Variants in SCAPER observed in about 807,000 individuals in gnomAD.
SCAPER encodes S phase cyclin A-associated protein in the endoplasmic reticulum.
Under a neutral mutation model 182.2 loss-of-function variants are expected in SCAPER, and 98 were observed. The ratio of observed to expected loss-of-function variants is 0.54; its 90% confidence interval spans 0.46 to 0.64. SCAPER has a LOEUF of 0.64. SCAPER is among the 30% of genes least tolerant of loss of function. The pLI is 0.00. For missense variants in SCAPER, 1,432 were observed against 1,690.0 expected, an observed-to-expected ratio of 0.85 and a Z score of 2.68; for synonymous variants, 605 against 564.6, an observed-to-expected ratio of 1.07 and a Z score of -1.01.
At chr15:76,513,840 T>C (rs1343133463) in intron 23 of SCAPER, among the ~76,000 whole-genome samples, 1 of 152,246 alleles carries the variant, frequency 6.6e-6, no homozygotes, top group Admixed American at 6.5e-5. Flanking sequence ...AGTGTTCAAA[T>C]GCTCTCCCAA....
intron 26 of SCAPER, among the ~76,000 whole-genome samples, chr15:76,406,382 G>A (rs2044831389): frequency 6.6e-6 from 1 of 152,128 alleles, no homozygotes; most frequent in African/African-American, 2.4e-5. Context: ...GGAGGCTGAG[G>A]CAGGAGAATC....
At chr15:76,862,610 A>T in intron 2 of SCAPER, 77 bp from the exon 3 acceptor site, 2 of 951,796 alleles carry the variant, frequency 2.1e-6, no homozygotes, top group Non-Finnish European at 3.0e-6. Flanking sequence ...ATTATTTCTC[A>T]CATTTTTCTC....
chr15:76,695,101 C>T (rs188180773), intron 20 of SCAPER, among the ~76,000 whole-genome samples: 3 of 152,136 alleles, frequency 2.0e-5, no homozygotes, highest in African/African-American at 2.4e-5. Context: ...CAGGGTAAAA[C>T]AAAGTCTTAA....
Position 76,348,653 on chromosome 15 carries a change from A to G in SCAPER, c.4183T>C (p.Leu1395=), listed in dbSNP as rs2040328202. Residue 1395 remains leucine, a synonymous_variant, in exon 32 of 32, where the codon TTG becomes CTG. Coordinates refer to ENST00000563290, the MANE Select transcript of SCAPER (RefSeq NM_020843.4). ...AACATTTATTTTTTCTCTTTTTTCAAGAAAAACTGTCGAGCTTCTTCCCAG... is the reference window on the plus strand; with the variant it reads ...AACATTTATTTTTTCTCTTTTTTCAGGAAAAACTGTCGAGCTTCTTCCCAG... ...QAWEEARQFF[L]KKEKK The G allele has an allele frequency of 6.5e-7, 1 of 1,549,106 alleles. No homozygotes were observed. Among genetic ancestry groups the G allele is most frequent in the African/African-American group, 1.4e-5 (1 of 72,912 alleles).
intron 25 of SCAPER, among the ~76,000 whole-genome samples, chr15:76,460,021 C>T (rs746724083): frequency 1.3e-5 from 2 of 152,032 alleles, no homozygotes; most frequent in East Asian, 3.9e-4. Flanking sequence ...TCTCTTCCAT[C>T]GATCTGTATG....
intron 5 of SCAPER, among the ~76,000 whole-genome samples, chr15:76,806,669 G>A (rs2066183666): frequency 6.6e-6 from 1 of 152,140 alleles, no homozygotes; most frequent in African/African-American, 2.4e-5. Context: ...GAAGTCTTCT[G>A]TTCATGAATT....
chr15:76,860,526 C>T (rs1408868351), intron 3 of SCAPER, among the ~76,000 whole-genome samples: 1 of 152,046 alleles, frequency 6.6e-6, no homozygotes, highest in Admixed American at 6.6e-5. Flanking sequence ...AATAGTATGA[C>T]ACACATGAAT....
intron 14 of SCAPER, among the ~76,000 whole-genome samples, chr15:76,756,481 G>A (rs1270653819): frequency 6.6e-6 from 1 of 152,086 alleles, no homozygotes; most frequent in Admixed American, 6.6e-5. Flanking sequence ...AGCAGGTTGA[G>A]GCAGGAGGAT....
intron 20 of SCAPER, among the ~76,000 whole-genome samples, chr15:76,699,187 G>A (rs1005454717): frequency 1.8e-4 from 28 of 152,098 alleles, no homozygotes; most frequent in Non-Finnish European, 3.4e-4. Flanking sequence ...GGTTTTCCAG[G>A]TATAGAATTA....
At chr15:76,469,386 G>A (rs921844058) in intron 25 of SCAPER, among the ~76,000 whole-genome samples, 1 of 152,058 alleles carries the variant, frequency 6.6e-6, no homozygotes, top group Non-Finnish European at 1.5e-5. Context: ...GTCCCTTACT[G>A]TTAACATCTT....
chr15:76,813,241 A>AT (rs1568219376), intron 5 of SCAPER, among the ~76,000 whole-genome samples: 5 of 92,396 alleles, frequency 5.4e-5, no homozygotes, highest in Admixed American at 1.4e-4. Flanking sequence ...AAAAAAAAAA[A>AT]AAAAAAAAAA....
rs190735777 is a variant in SCAPER at position 76,725,580 on chromosome 15, T to C, written c.2165+3015A>G. Among the ~76,000 whole-genome samples, 327 of 152,256 alleles carry C rather than the reference T, an allele frequency of 2.1e-3. 2 individuals carry two copies. Among genetic ancestry groups the C allele is most frequent in the African/African-American group, 7.3e-3 (303 of 41,564 alleles). ...AAAGAACAAAGAGGCTCACATATCC[T>C]GATTTCAAAACTTACTACAAAACTA... On this transcript the variant is annotated intron_variant, in intron 17 of 31. Transcript: ENST00000563290.
intron 8 of SCAPER, among the ~76,000 whole-genome samples, chr15:76,777,525 T>C (rs2063816961): frequency 8.0e-6 from 1 of 125,116 alleles, no homozygotes; most frequent in Non-Finnish European, 1.7e-5. Flanking sequence ...TGAAACCCCA[T>C]CTCTACTAAA....
At chr15:76,758,617 T>A (rs1024599071) in intron 14 of SCAPER, among the ~76,000 whole-genome samples, 10 of 152,158 alleles carry the variant, frequency 6.6e-5, no homozygotes, top group African/African-American at 2.4e-4. Flanking sequence ...TCTATTTCTC[T>A]AAAAACAAAT....
rs537845382 is a variant in SCAPER at position 76,429,972 on chromosome 15, C to G, written c.3311+4106G>C. On this transcript the variant is annotated intron_variant, in intron 26 of 31. Transcript: ENST00000563290. The stretch of plus-strand genomic sequence containing the variant: ...GGGGCAGGCTCAGGGCTCCCCTGCT[C>G]TGTGCAGTCTAGGGACTTGGTACCT... 1.3e-4 allele frequency among the ~76,000 whole-genome samples: 20 copies of G among 152,274 alleles called. 1 individual carries two copies. The South Asian group carries it at 3.3e-3, about 25-fold the overall frequency.
intron 22 of SCAPER, among the ~76,000 whole-genome samples, chr15:76,617,721 G>C (rs1448034787): frequency 2.6e-5 from 4 of 152,128 alleles, no homozygotes; most frequent in Admixed American, 1.3e-4. Flanking sequence ...GTGAGGCTAA[G>C]GCTTGGAAGT....
intron 1 of SCAPER, among the ~76,000 whole-genome samples, chr15:76,890,227 A>C (rs991699509): frequency 2.0e-5 from 3 of 152,232 alleles, no homozygotes; most frequent in Non-Finnish European, 4.4e-5. Flanking sequence ...AAAGATCTAA[A>C]ATCTGCACCC....
chr15:76,410,464 T>C (rs2045208436), intron 26 of SCAPER, among the ~76,000 whole-genome samples: 1 of 152,256 alleles, frequency 6.6e-6, no homozygotes, highest in South Asian at 2.1e-4. Flanking sequence ...TTTGGCTTAA[T>C]GGGCCAGGGC....
In SCAPER at chr15:76,424,959, G is replaced by C. The variant is rs554520898; in HGVS notation, c.3311+9119C>G. Among the ~76,000 whole-genome samples, 3 of 152,294 alleles carry C rather than the reference G, an allele frequency of 2.0e-5. No homozygotes were observed. In the South Asian group the frequency reaches 6.2e-4, roughly 32 times the overall value. ...TGAATATTGGCCCCCATTCTCTCCT[G>C]GCTTGAAGAGTTTCTGCTGAGAGAT... On this transcript the variant is annotated intron_variant, in intron 26 of 31. Transcript: ENST00000563290.
Sources: gnomAD v4.1 joint callset for allele counts (sites outside exome capture counted in the v4.1 genomes callset) on GRCh38, gnomAD v4.1.1 for gene constraint, MANE v1.5 for transcripts, NCBI Gene and HGNC (gene_info 2026-07-23, HGNC 2026-07-21) for gene names.